SH3YL1: variants seen among roughly 807,000 people sequenced by gnomAD.
The protein encoded by SH3YL1 is SH3 and SYLF domain containing 1, also known as SH3 domain-containing YSC84-like protein 1.
In SH3YL1, 41 loss-of-function variants were observed where a neutral mutation model predicts 45.8. That is an observed-to-expected ratio of 0.89 (90% CI 0.70 to 1.16). The LOEUF is 1.16. Among genes scored for constraint, SH3YL1 ranks in the 50% most tolerant of loss-of-function variants. SH3YL1 has a pLI of 0.00. For synonymous variants in SH3YL1, 152 were observed against 151.4 expected, an observed-to-expected ratio of 1.00 and a Z score of -0.03; for missense variants, 389 against 409.6, an observed-to-expected ratio of 0.95 and a Z score of 0.43.
intron 1 of SH3YL1, among the ~76,000 whole-genome samples, chr2:258,725 G>A (rs1558255100): frequency 6.6e-6 from 1 of 152,124 alleles, no homozygotes; most frequent in Non-Finnish European, 1.5e-5. Context: ...TCTCTCCTGG[G>A]TGCCCTGGTT....
intron 8 of SH3YL1, among the ~76,000 whole-genome samples, chr2:229,210 G>A (rs542678811): frequency 4.5e-4 from 69 of 152,144 alleles, no homozygotes; most frequent in Admixed American, 1.4e-3. Context: ...ACCAAAACCT[G>A]GTGCTTTATA....
At chr2:230,192 C>T in intron 7 of SH3YL1, 148 bp from the exon 8 acceptor site, 2 of 575,682 alleles carry the variant, frequency 3.5e-6, no homozygotes. Context: ...ATGCACCCCT[C>T]TGGACTCTAT....
chr2:247,630 C>G, intron 3 of SH3YL1, 28 bp from the exon 4 acceptor site: 1 of 1,538,828 alleles, frequency 6.5e-7, no homozygotes, highest in Non-Finnish European at 8.8e-7. Flanking sequence ...GAACGTTATC[C>G]TAACATTAAA....
intron 3 of SH3YL1, 150 bp from the exon 4 acceptor site, chr2:247,752 G>T: frequency 3.3e-6 from 2 of 615,324 alleles, no homozygotes; most frequent in Admixed American, 3.3e-5. Flanking sequence ...TCTTCAAAAA[G>T]AATATGTAAT....
chr2:242,755 A>C lies in SH3YL1; in HGVS notation c.291+4783T>G, dbSNP rs951859246. 5.4e-6 allele frequency: 8 copies of C among 1,486,320 alleles called. No homozygotes were observed. In the African/African-American group the frequency reaches 1.2e-4, roughly 21 times the overall value. 92.1% of individuals were successfully genotyped at this position (1,486,320 alleles called of 1,614,324 possible). ...AATAACAACAACAACAACAACATCCAATTATATGCTCCATAGGAGACACGC... is the reference window on the plus strand; with the variant it reads ...AATAACAACAACAACAACAACATCCCATTATATGCTCCATAGGAGACACGC... On this transcript the variant is annotated intron_variant, in intron 4 of 9. Transcript: ENST00000356150.
At chr2:254,264 A>G (rs952818564) in intron 1 of SH3YL1, among the ~76,000 whole-genome samples, 2 of 152,212 alleles carry the variant, frequency 1.3e-5, no homozygotes, top group African/African-American at 4.8e-5. Context: ...TTACGTTTAC[A>G]GTGTTGCCTG....
intron 9 of SH3YL1, 52 bp from the exon 10 acceptor site, chr2:219,053 G>A: frequency 1.3e-6 from 2 of 1,488,646 alleles, no homozygotes; most frequent in Non-Finnish European, 1.8e-6. Flanking sequence ...GAGAAATTGG[G>A]GGTATCTGCT....
intron 3 of SH3YL1, among the ~76,000 whole-genome samples, chr2:248,427 C>T (rs946338879): frequency 6.6e-6 from 1 of 152,092 alleles, no homozygotes; most frequent in African/African-American, 2.4e-5. Flanking sequence ...GATAATTTTT[C>T]GTTCCCTATG....
At chr2:219,931 T>A (rs1297366980) in intron 9 of SH3YL1, among the ~76,000 whole-genome samples, 5 of 152,106 alleles carry the variant, frequency 3.3e-5, no homozygotes, top group Admixed American at 3.3e-4. Flanking sequence ...CAATGCAATG[T>A]GTATATCCAT....
intron 4 of SH3YL1, among the ~76,000 whole-genome samples, chr2:236,631 A>C (rs1033501224): frequency 6.6e-6 from 1 of 152,228 alleles, no homozygotes; most frequent in African/African-American, 2.4e-5. Context: ...GCACACATTC[A>C]AGGCTGTTTA....
intron 1 of SH3YL1, among the ~76,000 whole-genome samples, chr2:262,974 T>C (rs1369234706): frequency 1.3e-5 from 2 of 152,186 alleles, no homozygotes; most frequent in Non-Finnish European, 2.9e-5. Context: ...ATCACTTTGA[T>C]CATTTTAACC....
In SH3YL1 at chr2:242,937, T is replaced by C. The variant is rs1415611522; in HGVS notation, c.291+4601A>G. 42 of 992,236 alleles carry C rather than the reference T, an allele frequency of 4.2e-5. No homozygotes were observed. In the East Asian group the frequency reaches 1.3e-3, roughly 31 times the overall value. 61.5% of individuals were successfully genotyped at this position (992,236 alleles called of 1,614,324 possible). A position where few individuals can be genotyped will look rare whatever the true frequency, so the allele number is the denominator to read the frequency against. On this transcript the variant is annotated intron_variant, in intron 4 of 9. Transcript: ENST00000356150. ...GGGACATATTATAATGATAAAATGG[T>C]CAATCAACCAAAGAGATATAACAAT...
intron 1 of SH3YL1, chr2:259,792 T>G (rs538477796): frequency 6.6e-6 from 1 of 150,874 alleles, no homozygotes; most frequent in African/African-American, 2.5e-5. Context: ...AATGTTCATT[T>G]GGGGAGAAAA....
At chr2:230,865 G>A (rs868433920) in intron 7 of SH3YL1, 158 bp downstream of exon 7, 1 of 685,218 alleles carries the variant, frequency 1.5e-6, no homozygotes, top group Non-Finnish European at 2.6e-6. Context: ...CTGTACAGAG[G>A]AAATGTCAAG....
intron 1 of SH3YL1, chr2:262,119 T>C (rs79975915): frequency 0.1 from 15,646 of 154,338 alleles, 911 homozygotes; most frequent in Admixed American, 0.15. Context: ...AATGTTGCTT[T>C]AAGCTACTTT....
At chr2:239,166 G>T (rs1668435932) in intron 4 of SH3YL1, among the ~76,000 whole-genome samples, 1 of 152,152 alleles carries the variant, frequency 6.6e-6, no homozygotes, top group Non-Finnish European at 1.5e-5. Context: ...TAAGAGAACT[G>T]ACCTTAAGAA....
intron 9 of SH3YL1, among the ~76,000 whole-genome samples, chr2:221,990 G>A (rs963270880): frequency 6.6e-6 from 1 of 152,090 alleles, no homozygotes; most frequent in Non-Finnish European, 1.5e-5. Context: ...ACCAATAAAA[G>A]GTGAGTCAAG....
At chr2:221,981 C>T (rs3791224) in intron 9 of SH3YL1, among the ~76,000 whole-genome samples, 47,208 of 151,938 alleles carry the variant, frequency 0.31, 7,579 homozygotes, top group Non-Finnish European at 0.35. Flanking sequence ...AAAGAATTCA[C>T]CAATAAAAGG....
At chr2:237,958 G>A (rs1299654281) in intron 4 of SH3YL1, among the ~76,000 whole-genome samples, 1 of 152,166 alleles carries the variant, frequency 6.6e-6, no homozygotes, top group Non-Finnish European at 1.5e-5. Context: ...CCTCTTCTCT[G>A]CGACTGAATT....
Sources: gnomAD v4.1 joint callset for allele counts (sites outside exome capture counted in the v4.1 genomes callset) on GRCh38, gnomAD v4.1.1 for gene constraint, MANE v1.5 for transcripts, NCBI Gene and HGNC (gene_info 2026-07-23, HGNC 2026-07-21) for gene names.